The following ATP9B variants were observed in gnomAD, a reference collection of about 807,000 sequenced individuals.
ATP9B encodes probable phospholipid-transporting ATPase IIB.
ATP9B carries 110 observed loss-of-function variants against 146.1 expected under a neutral mutation model. The ratio of observed to expected loss-of-function variants is 0.75; its 90% CI spans 0.65 to 0.88. ATP9B has a LOEUF of 0.88. Among genes scored for constraint, ATP9B ranks in the 40% least tolerant of loss-of-function variants. The pLI is 0.00. For synonymous variants in ATP9B, 604 were observed against 569.7 expected, an observed-to-expected ratio of 1.06 and a Z score of -0.86; for missense variants, 1,499 against 1,496.4, an observed-to-expected ratio of 1.00 and a Z score of -0.03.
At chr18:79,202,147 C>T (rs1446309864) in intron 9 of ATP9B, among the ~76,000 whole-genome samples, 1 of 152,218 alleles carries the variant, frequency 6.6e-6, no homozygotes, top group African/African-American at 2.4e-5. Flanking sequence ...TGTGCAGAAT[C>T]TAATGGAGAT....
At position 79,373,889 on chromosome 18, in the gene ATP9B, G is replaced by A; in HGVS notation, c.3071-9G>A. ...CGTGTGCATGGAAAAAGCTCCTGCT[G>A]TTTTTCAGGCGGCATCCTCATGTAT... is the stretch of plus-strand genomic sequence containing the variant. On this transcript the variant is annotated splice_polypyrimidine_tract_variant and intron_variant, in intron 27 of 29. Coordinates refer to ENST00000426216, the MANE Select transcript of ATP9B (RefSeq NM_198531.5). 1.2e-6 allele frequency: 2 copies of A among 1,612,490 alleles called. No individual in the cohort carries two copies. The highest frequency in any genetic ancestry group is 2.7e-5 in the African/African-American group (2 of 74,988).
At chr18:79,272,899 C>G (rs544425702) in intron 12 of ATP9B, among the ~76,000 whole-genome samples, 1 of 152,330 alleles carries the variant, frequency 6.6e-6, no homozygotes, top group South Asian at 2.1e-4. Context: ...GGAATCAATA[C>G]AGGTAAAACA....
At chr18:79,336,875 G>T (rs562581801) in intron 18 of ATP9B, among the ~76,000 whole-genome samples, 164 bp downstream of exon 18, 1 of 152,224 alleles carries the variant, frequency 6.6e-6, no homozygotes, top group Non-Finnish European at 1.5e-5. Flanking sequence ...CTGCATTTCT[G>T]TTTCCACCAT....
At chr18:79,303,821 T>C in intron 14 of ATP9B, 105 bp downstream of exon 14, 1 of 695,122 alleles carries the variant, frequency 1.4e-6, no homozygotes, top group Non-Finnish European at 2.4e-6. Context: ...CGCTTCTTGG[T>C]GGTCTTAACA....
intron 11 of ATP9B, among the ~76,000 whole-genome samples, chr18:79,227,123 C>T (rs1390924870): frequency 6.6e-6 from 1 of 152,146 alleles, no homozygotes; most frequent in Non-Finnish European, 1.5e-5. Flanking sequence ...TCCTCTCTGT[C>T]TTTAAGCTTT....
At chr18:79,195,104 C>T (rs1455329883) in intron 9 of ATP9B, among the ~76,000 whole-genome samples, 1 of 152,164 alleles carries the variant, frequency 6.6e-6, no homozygotes, top group Non-Finnish European at 1.5e-5. Context: ...AGTCAGCCCA[C>T]ACCATCCCAA....
intron 17 of ATP9B, among the ~76,000 whole-genome samples, chr18:79,333,886 G>A (rs9959068): frequency 0.41 from 62,192 of 152,034 alleles, 12,886 homozygotes; most frequent in Middle Eastern, 0.54. Flanking sequence ...CAGGAGCTTT[G>A]TAAACATGGT....
At chr18:79,244,236 T>A (rs1470843580) in intron 11 of ATP9B, among the ~76,000 whole-genome samples, 1 of 152,036 alleles carries the variant, frequency 6.6e-6, no homozygotes, top group Non-Finnish European at 1.5e-5. Context: ...GGTGCCTGTC[T>A]GCTGGGCCAC....
chr18:79,310,318 G>T (rs1241157953), intron 15 of ATP9B, among the ~76,000 whole-genome samples: 2 of 152,194 alleles, frequency 1.3e-5, no homozygotes, highest in Non-Finnish European at 2.9e-5. Flanking sequence ...AAATTAAGAA[G>T]TCAGAATATA....
rs373339884 is a variant in ATP9B at position 79,248,256 on chromosome 18, T to C, written c.1108-5125T>C. On this transcript the variant is annotated intron_variant, in intron 11 of 29. Transcript: ENST00000426216. ...ATCACTTTTTAAAAACTAATACTTTTAATTTAAACTTCGTAATGGAAAAGT... is the reference window on the plus strand; with the variant it reads ...ATCACTTTTTAAAAACTAATACTTTCAATTTAAACTTCGTAATGGAAAAGT... Among the ~76,000 whole-genome samples the C allele has an allele frequency of 2.4e-4, 36 of 152,104 alleles. No individual in the cohort carries two copies. In the East Asian group the frequency reaches 6.8e-3, roughly 29 times the overall value.
chr18:79,238,031 A>G (rs2095857739), intron 11 of ATP9B, among the ~76,000 whole-genome samples: 1 of 152,114 alleles, frequency 6.6e-6, no homozygotes, highest in Non-Finnish European at 1.5e-5. Flanking sequence ...TCTTTTAGAA[A>G]ATTTTATATT....
chr18:79,186,252 A>G (rs761371336), intron 8 of ATP9B, among the ~76,000 whole-genome samples: 1 of 152,204 alleles, frequency 6.6e-6, no homozygotes, highest in Non-Finnish European at 1.5e-5. Flanking sequence ...ACCACATGTT[A>G]TGATTAAGGA....
chr18:79,200,788 T>TGG (rs370231088), intron 9 of ATP9B, among the ~76,000 whole-genome samples: 114 of 35,344 alleles, frequency 3.2e-3, no homozygotes, highest in African/African-American at 5.3e-3. Flanking sequence ...GAAGTAGTGG[T>TGG]GGAATTGTTT....
intron 1 of ATP9B, among the ~76,000 whole-genome samples, chr18:79,084,854 G>T (rs2073652748): frequency 6.6e-6 from 1 of 152,048 alleles, no homozygotes; most frequent in Non-Finnish European, 1.5e-5. Flanking sequence ...GATAACGTTG[G>T]TTAGTTGTTA....
intron 26 of ATP9B, among the ~76,000 whole-genome samples, chr18:79,372,002 C>G (rs766692873): frequency 6.6e-6 from 1 of 152,218 alleles, no homozygotes; most frequent in African/African-American, 2.4e-5. Flanking sequence ...AAAATAGATG[C>G]GAAGGTGTCA....
At chr18:79,170,513 A>G (rs989787203) in intron 7 of ATP9B, among the ~76,000 whole-genome samples, 2 of 152,168 alleles carry the variant, frequency 1.3e-5, no homozygotes, top group African/African-American at 4.8e-5. Context: ...TTTAATCTAA[A>G]TGTGTTTTAA....
Position 79,310,103 on chromosome 18 carries a change from A to G in ATP9B, c.1773+2869A>G, listed in dbSNP as rs114826982. Among the ~76,000 whole-genome samples, 1,000 of 152,264 alleles carry G rather than the reference A, an allele frequency of 6.6e-3. 5 individuals carry two copies. Among genetic ancestry groups the G allele is most frequent in the African/African-American group, 0.023 (935 of 41,554 alleles). On this transcript the variant is annotated intron_variant, in intron 15 of 29. Transcript: ENST00000426216. ...ACAGGGAGGCATGTGGAGAAGAGGC[A>G]GGAAGAAGGGTGGAGAGGCATGAGA...
At chr18:79,322,229 A>G (rs1456576995) in intron 15 of ATP9B, among the ~76,000 whole-genome samples, 2 of 152,178 alleles carry the variant, frequency 1.3e-5, no homozygotes, top group African/African-American at 4.8e-5. Context: ...GGAGAGTTCT[A>G]ATTCAAGCCC....
At chr18:79,253,581 A>G in intron 12 of ATP9B, 40 bp downstream of exon 12, 1 of 1,520,270 alleles carries the variant, frequency 6.6e-7, no homozygotes, top group South Asian at 1.3e-5. Flanking sequence ...GTCTGGTTTC[A>G]TTGAGTATGA....
Sources: gnomAD v4.1 joint callset for allele counts (sites outside exome capture counted in the v4.1 genomes callset) on GRCh38, gnomAD v4.1.1 for gene constraint, MANE v1.5 for transcripts, NCBI Gene and HGNC (gene_info 2026-07-23, HGNC 2026-07-21) for gene names.